SCFD2: variants seen among roughly 807,000 people sequenced by gnomAD.
The protein encoded by SCFD2 is sec1 family domain containing 2, also known as sec1 family domain-containing protein 2.
Under a neutral mutation model 58.9 loss-of-function variants are expected in SCFD2, and 54 were observed. The observed-to-expected ratio is 0.92, with a 90% CI of 0.74 to 1.15. The LOEUF is 1.15. Among genes scored for constraint, SCFD2 ranks in the 50% most tolerant of loss-of-function variants. The pLI is 0.00. For synonymous variants in SCFD2, 321 were observed against 335.9 expected (o/e 0.96, Z 0.49); for missense variants, 805 against 836.6 (o/e 0.96, Z 0.47).
intron 4 of SCFD2, among the ~76,000 whole-genome samples, chr4:53,162,734 G>T (rs1726890627): frequency 6.6e-6 from 1 of 151,786 alleles, no homozygotes; most frequent in East Asian, 1.9e-4. Flanking sequence ...AGCATTAGGA[G>T]ATATACCTAA....
intron 4 of SCFD2, among the ~76,000 whole-genome samples, chr4:53,146,571 T>G (rs1448762419): frequency 6.6e-6 from 1 of 152,274 alleles, no homozygotes. Context: ...TATACAGCAG[T>G]GCACAAAACA....
chr4:52,897,710 G>C (rs1717861932), intron 7 of SCFD2, among the ~76,000 whole-genome samples: 2 of 152,096 alleles, frequency 1.3e-5, no homozygotes, highest in Admixed American at 1.3e-4. Context: ...CTATTGACTG[G>C]AATAGTTTCA....
intron 5 of SCFD2, among the ~76,000 whole-genome samples, chr4:53,135,697 G>T (rs1324312165): frequency 6.6e-6 from 1 of 151,726 alleles, no homozygotes; most frequent in Non-Finnish European, 1.5e-5. Flanking sequence ...AGCCAAGATT[G>T]TACCACTGCA....
chr4:53,341,904 T>A (rs1282411952), intron 2 of SCFD2, among the ~76,000 whole-genome samples: 1 of 152,130 alleles, frequency 6.6e-6, no homozygotes, highest in East Asian at 1.9e-4. Flanking sequence ...CACAAGCAAA[T>A]GCTGAGAGAT....
intron 5 of SCFD2, among the ~76,000 whole-genome samples, chr4:52,932,080 C>A (rs1371495059): frequency 6.6e-6 from 1 of 152,114 alleles, no homozygotes; most frequent in Non-Finnish European, 1.5e-5. Flanking sequence ...GAATCTTAGC[C>A]CAAGACCAGT....
At chr4:52,957,171 A>C (rs1363441551) in intron 5 of SCFD2, 1 of 152,182 alleles carries the variant, frequency 6.6e-6, no homozygotes. Context: ...TTGGAAAAAA[A>C]AAAGAACGCA....
At chr4:53,324,422 A>AG (rs1430161931) in intron 2 of SCFD2, among the ~76,000 whole-genome samples, 1 of 118,390 alleles carries the variant, frequency 8.4e-6, no homozygotes, top group African/African-American at 3.3e-5. Context: ...TGTCTCTCCA[A>AG]AAAAAAAAAA....
At chr4:53,273,743 A>T in intron 4 of SCFD2, 83 bp downstream of exon 4, 1 of 1,144,432 alleles carries the variant, frequency 8.7e-7, no homozygotes, top group Admixed American at 2.4e-5. Context: ...TTTATTACTA[A>T]GGCTATAATA....
At chr4:53,330,064 A>T (rs3959521) in intron 2 of SCFD2, among the ~76,000 whole-genome samples, 1 of 150,716 alleles carries the variant, frequency 6.6e-6, no homozygotes, top group Non-Finnish European at 1.5e-5. Context: ...AAAAAGAAAC[A>T]AACAAAGCCT....
At chr4:52,916,701 C>T (rs1038528711) in intron 6 of SCFD2, among the ~76,000 whole-genome samples, 1 of 152,214 alleles carries the variant, frequency 6.6e-6, no homozygotes, top group Non-Finnish European at 1.5e-5. Context: ...AGCAATCAAC[C>T]TTCTGCCATA....
At chr4:53,179,151 A>G (rs1174496474) in intron 4 of SCFD2, among the ~76,000 whole-genome samples, 2 of 152,160 alleles carry the variant, frequency 1.3e-5, no homozygotes, top group Admixed American at 6.5e-5. Context: ...TACAGAAAAC[A>G]CCACAAAGAT....
intron 4 of SCFD2, among the ~76,000 whole-genome samples, chr4:53,179,133 T>G (rs1727450699): frequency 6.6e-6 from 1 of 152,032 alleles, no homozygotes; most frequent in African/African-American, 2.4e-5. Context: ...ACATTCAAAT[T>G]CAGGAAATAC....
At chr4:53,299,137 G>A (rs1288877500) in intron 3 of SCFD2, among the ~76,000 whole-genome samples, 3 of 151,846 alleles carry the variant, frequency 2.0e-5, no homozygotes, top group East Asian at 1.9e-4. Context: ...TCAGAAGATC[G>A]AACTACTCTG....
At chr4:52,929,941 T>C (rs1279997559) in intron 5 of SCFD2, among the ~76,000 whole-genome samples, 1 of 152,172 alleles carries the variant, frequency 6.6e-6, no homozygotes, top group Admixed American at 6.5e-5. Context: ...TCCAAAGTAA[T>C]TTATAGATTC....
intron 5 of SCFD2, among the ~76,000 whole-genome samples, chr4:52,931,117 C>T (rs1719983309): frequency 6.6e-6 from 1 of 152,192 alleles, no homozygotes; most frequent in South Asian, 2.1e-4. Flanking sequence ...CTCAAACAGG[C>T]ATATCTCACT....
At chr4:53,096,547 C>T (rs1210904777) in intron 5 of SCFD2, among the ~76,000 whole-genome samples, 1 of 152,102 alleles carries the variant, frequency 6.6e-6, no homozygotes, top group African/African-American at 2.4e-5. Flanking sequence ...TATCCTTTGC[C>T]CACTTTTTGA....
chr4:53,056,430 C>T (rs1723341854), intron 5 of SCFD2, among the ~76,000 whole-genome samples: 1 of 152,038 alleles, frequency 6.6e-6, no homozygotes, highest in Non-Finnish European at 1.5e-5. Flanking sequence ...TATGTTTTGC[C>T]TCTCAAATAA....
At position 52,915,802 on chromosome 4, in the gene SCFD2, GA is replaced by G. The variant is rs576830777; in HGVS notation, c.1707+4922del. Among the ~76,000 whole-genome samples, 17 of 152,302 alleles carry G rather than the reference GA, an allele frequency of 1.1e-4. No homozygotes were observed. The South Asian group carries it at 3.5e-3, about 32-fold the overall frequency. On this transcript the variant is annotated intron_variant, in intron 6 of 8. Coordinates refer to ENST00000401642, the MANE Select transcript of SCFD2 (RefSeq NM_152540.4). ...GTCCTACCCCATGCTGATTCCTTCA[GA>G]AAAGATGCTAGCAGTTCTGTTAGAA...
intron 5 of SCFD2, among the ~76,000 whole-genome samples, chr4:52,947,968 C>CAAAAA (rs34494471): frequency 5.7e-5 from 2 of 35,202 alleles, no homozygotes; most frequent in Non-Finnish European, 1.2e-4. Flanking sequence ...AAAAATAGGC[C>CAAAAA]AAAAAAAAAA....
Sources: allele counts gnomAD v4.1 joint callset (sites outside exome capture counted in the v4.1 genomes callset), GRCh38; gene constraint gnomAD v4.1.1; transcripts MANE v1.5; gene names NCBI Gene and HGNC (gene_info 2026-07-23, HGNC 2026-07-21).